CYFIP2: variants seen among roughly 807,000 people sequenced by gnomAD.
The protein encoded by CYFIP2 is cytoplasmic FMR1-interacting protein 2.
A neutral mutation model predicts 158.7 loss-of-function variants in CYFIP2; 29 were observed. That is an observed-to-expected ratio of 0.18 (90% CI 0.14 to 0.25). The LOEUF is 0.25. Among genes scored for constraint, CYFIP2 ranks in the 10% least tolerant of loss-of-function variants. CYFIP2 has a pLI of 1.00. For missense variants in CYFIP2, 852 were observed against 1,639.5 expected (o/e 0.52, Z 8.29); for synonymous variants, 585 against 617.6 (o/e 0.95, Z 0.78).
At chr5:157,347,977 G>T (rs1762812938) in intron 23 of CYFIP2, among the ~76,000 whole-genome samples, 1 of 152,260 alleles carries the variant, frequency 6.6e-6, no homozygotes, top group African/African-American at 2.4e-5. Context: ...GCAGCCGTTT[G>T]TGAAGGAGAT....
At chr5:157,304,214 C>G (rs770616868) in intron 7 of CYFIP2, 24 bp from the exon 8 acceptor site, 2 of 1,607,002 alleles carry the variant, frequency 1.2e-6, no homozygotes, top group African/African-American at 1.3e-5. Flanking sequence ...CGCTGCCTAA[C>G]CTGAGGGTGG....
At chr5:157,345,516 A>C (rs1218949873) in intron 23 of CYFIP2, 1 of 152,554 alleles carries the variant, frequency 6.6e-6, no homozygotes, top group Non-Finnish European at 1.5e-5. Flanking sequence ...TTCCATTTCC[A>C]AGAAGAGCCA....
chr5:157,350,853 T>G lies in CYFIP2; in HGVS notation c.2674-8152T>G, dbSNP rs74517304. On this transcript the variant is annotated intron_variant, in intron 23 of 30. Transcript: ENST00000620254. ...TGTAGAGGTCTTTCACCTCCTTGGT[T>G]AGATATATTCCTAACTATTTTAATT... Among the ~76,000 whole-genome samples the G allele has an allele frequency of 3.1e-3, 479 of 152,338 alleles. 6 individuals are homozygous for G. Among genetic ancestry groups the G allele is most frequent in the African/African-American group, 0.01 (431 of 41,580 alleles).
Position 157,361,964 on chromosome 5 carries a change from G to A in CYFIP2, c.3039+366G>A, listed in dbSNP as rs1763868925. On this transcript the variant is annotated intron_variant, in intron 26 of 30. Transcript: ENST00000620254. This position sits in a 1 kb window ranked among gnomAD's most constrained non-coding sequence, Gnocchi z 4.4. The stretch of plus-strand genomic sequence containing the variant: ...TCTCTTAACACCCCACCTCTCCAAT[G>A]GCTTGCAAACAAGGGTTTTTAAAGG... Among the ~76,000 whole-genome samples the A allele has an allele frequency of 1.3e-5, 2 of 152,190 alleles. No homozygotes were observed.
At position 157,332,848 on chromosome 5, in the gene CYFIP2, G is replaced by A. The variant is rs1221874126; in HGVS notation, c.2266-479G>A. ...TTTTGTAGAGACAGATTCTTACTGT[G>A]TTGCCCATGCTGGTGTCAAACTCCT... is the stretch of plus-strand genomic sequence containing the variant. On this transcript the variant is annotated intron_variant, in intron 20 of 30. Transcript: ENST00000620254. Among the ~76,000 whole-genome samples the A allele has an allele frequency of 6.6e-5, 10 of 152,126 alleles. No individual in the cohort carries two copies. In the South Asian group the frequency reaches 1.7e-3, roughly 25 times the overall value.
At chr5:157,300,921 C>A in intron 6 of CYFIP2, 25 bp downstream of exon 6, 1 of 1,522,488 alleles carries the variant, frequency 6.6e-7, no homozygotes. Context: ...CCCCTCTCCC[C>A]TTTCCCCATC....
intron 5 of CYFIP2, 66 bp downstream of exon 5, chr5:157,296,840 G>A (rs867813222): frequency 7.7e-7 from 1 of 1,303,496 alleles, no homozygotes. Context: ...TAACCACTGG[G>A]GTCTGCAGTT....
At chr5:157,377,985 C>G (rs1432154803) in intron 26 of CYFIP2, among the ~76,000 whole-genome samples, 2 of 152,130 alleles carry the variant, frequency 1.3e-5, no homozygotes, top group Non-Finnish European at 2.9e-5. Context: ...TGAATAAAAG[C>G]TCTGGTAAGT....
At chr5:157,285,005 G>A (rs998532322) in intron 1 of CYFIP2, among the ~76,000 whole-genome samples, 3 of 152,138 alleles carry the variant, frequency 2.0e-5, no homozygotes, top group African/African-American at 7.2e-5. Context: ...GAGGTCCCTC[G>A]CTTGTGGTCA....
intron 26 of CYFIP2, chr5:157,376,256 CTT>C (rs1458630520): frequency 6.6e-6 from 1 of 152,270 alleles, no homozygotes; most frequent in Non-Finnish European, 1.5e-5. Flanking sequence ...CTCCAAAGCC[CTT>C]TGTCAGCAAC....
At chr5:157,340,948 A>G in intron 22 of CYFIP2, 122 bp from the exon 23 acceptor site, 1 of 832,782 alleles carries the variant, frequency 1.2e-6, no homozygotes, top group Non-Finnish European at 2.0e-6. Context: ...ACCACCTAAC[A>G]AACAGTGCAC....
At chr5:157,380,991 G>T (rs1463306869) in intron 26 of CYFIP2, among the ~76,000 whole-genome samples, 1 of 152,224 alleles carries the variant, frequency 6.6e-6, no homozygotes, top group Non-Finnish European at 1.5e-5. Flanking sequence ...AAGGCAGGCA[G>T]ATCACCTGAG....
intron 26 of CYFIP2, among the ~76,000 whole-genome samples, chr5:157,375,249 C>A (rs149955653): frequency 6.6e-6 from 1 of 152,206 alleles, no homozygotes; most frequent in Admixed American, 6.5e-5. Flanking sequence ...GAGGCCATAG[C>A]TCTGGTTTAT....
intron 17 of CYFIP2, chr5:157,325,863 A>T (rs1760982412): frequency 1.8e-6 from 1 of 552,448 alleles, no homozygotes; most frequent in Admixed American, 3.4e-5. Context: ...TGTCAGCCTC[A>T]TAACAGCTAT....
chr5:157,379,080 C>T (rs1236574402), intron 26 of CYFIP2, among the ~76,000 whole-genome samples: 1 of 152,154 alleles, frequency 6.6e-6, no homozygotes, highest in Non-Finnish European at 1.5e-5. Flanking sequence ...CAGTTACCTC[C>T]ATAACACTCA....
intron 3 of CYFIP2, among the ~76,000 whole-genome samples, chr5:157,293,612 A>G (rs540472565): frequency 7.5e-4 from 114 of 152,368 alleles, no homozygotes; most frequent in Non-Finnish European, 1.4e-3. Flanking sequence ...CCAGCCTCAC[A>G]GAGAGCTTGC....
intron 23 of CYFIP2, among the ~76,000 whole-genome samples, chr5:157,356,687 G>C (rs1359564133): frequency 6.6e-6 from 1 of 152,124 alleles, no homozygotes; most frequent in East Asian, 1.9e-4. Flanking sequence ...ATACAGAGTG[G>C]GGCTTTGCTA....
chr5:157,379,774 C>G (rs181781217), intron 26 of CYFIP2, among the ~76,000 whole-genome samples: 2 of 151,638 alleles, frequency 1.3e-5, no homozygotes, highest in East Asian at 3.9e-4. Flanking sequence ...TACATGGTCT[C>G]CTCTGTAACC....
At chr5:157,312,063 G>T (rs1025981420) in intron 11 of CYFIP2, among the ~76,000 whole-genome samples, 1 of 152,170 alleles carries the variant, frequency 6.6e-6, no homozygotes, top group African/African-American at 2.4e-5. Context: ...TCATTGAGAG[G>T]ATTAAAAGAT....
Sources: allele counts gnomAD v4.1 joint callset (sites outside exome capture counted in the v4.1 genomes callset), GRCh38; gene constraint gnomAD v4.1.1; non-coding constraint Gnocchi (gnomAD v3.1); transcripts MANE v1.5; gene names NCBI Gene and HGNC (gene_info 2026-07-23, HGNC 2026-07-21).